FTO: variants seen among roughly 807,000 people sequenced by gnomAD.
FTO encodes the protein FTO alpha-ketoglutarate dependent dioxygenase.
Under a neutral mutation model 63.9 loss-of-function variants are expected in FTO, and 47 were observed. That is an observed-to-expected ratio of 0.74 (90% CI 0.58 to 0.94). FTO has a LOEUF of 0.94. Among genes scored for constraint, FTO ranks in the 40% least tolerant of loss-of-function variants. The probability of loss-of-function intolerance (pLI) is 0.00; values close to 1 mark genes in which losing one functional copy is unlikely to be tolerated. For synonymous variants in FTO, 207 were observed against 224.4 expected (o/e 0.92, Z 0.69); for missense variants, 562 against 618.1 (o/e 0.91, Z 0.96).
At chr16:53,921,675 TATTA>T (rs762992144) in intron 7 of FTO, among the ~76,000 whole-genome samples, 21 of 152,170 alleles carry the variant, frequency 1.4e-4, no homozygotes, top group Non-Finnish European at 2.6e-4. Flanking sequence ...GTCATTCTAG[TATTA>T]ATTATGTGAA....
chr16:53,927,529 C>T (rs1367321190), intron 7 of FTO, among the ~76,000 whole-genome samples: 2 of 152,058 alleles, frequency 1.3e-5, no homozygotes, highest in African/African-American at 2.4e-5. Flanking sequence ...TAGAGATGTC[C>T]GCAGTCTACA....
In FTO at chr16:54,066,275, A is replaced by T. The variant is rs767804231; in HGVS notation, c.1365-45487A>T. On this transcript the variant is annotated intron_variant, in intron 8 of 8. Coordinates refer to ENST00000471389, the MANE Select transcript of FTO (RefSeq NM_001080432.3). ...ATGAAGTTTTGGTCTGCAAATGGGG[A>T]TGCTGAAACTCAGAGAGGCTGACTG... 2.0e-4 allele frequency among the ~76,000 whole-genome samples: 31 copies of T among 152,298 alleles called. 1 individual carries two copies. The highest frequency in any genetic ancestry group is 1.2e-3 in the South Asian group (6 of 4,820).
At chr16:53,710,552 C>T (rs189547397) in intron 1 of FTO, among the ~76,000 whole-genome samples, 13 of 152,146 alleles carry the variant, frequency 8.5e-5, no homozygotes, top group South Asian at 2.1e-4. Flanking sequence ...CGTGAGCCAC[C>T]GTGCGCAGCC....
intron 8 of FTO, among the ~76,000 whole-genome samples, chr16:54,053,213 G>A (rs563223601): frequency 2.6e-5 from 4 of 151,774 alleles, no homozygotes; most frequent in Non-Finnish European, 4.4e-5. Flanking sequence ...TCCAGGCTTA[G>A]CCAGCTTTCA....
intron 1 of FTO, among the ~76,000 whole-genome samples, chr16:53,773,365 G>A (rs566362741): frequency 1.0e-3 from 153 of 152,114 alleles, no homozygotes; most frequent in Middle Eastern, 3.4e-3. Context: ...ACACAGCCAC[G>A]CCATAGAACA....
chr16:53,960,722 G>C (rs574336155), intron 8 of FTO, among the ~76,000 whole-genome samples: 1 of 151,764 alleles, frequency 6.6e-6, no homozygotes, highest in African/African-American at 2.4e-5. Flanking sequence ...GGGGGTGGGG[G>C]GGGCGCGGTT....
At chr16:53,795,337 A>G (rs1415309668) in intron 1 of FTO, among the ~76,000 whole-genome samples, 2 of 152,196 alleles carry the variant, frequency 1.3e-5, no homozygotes, top group African/African-American at 4.8e-5. Flanking sequence ...GTTCCAACAT[A>G]TGTCTAATAA....
intron 8 of FTO, among the ~76,000 whole-genome samples, chr16:54,097,500 CA>C (rs1297337802): frequency 6.6e-6 from 1 of 152,164 alleles, no homozygotes; most frequent in Non-Finnish European, 1.5e-5. Flanking sequence ...ATTACTTTTA[CA>C]TGCCCAGCTA....
intron 7 of FTO, among the ~76,000 whole-genome samples, chr16:53,928,017 T>C (rs1445275795): frequency 1.3e-5 from 2 of 152,206 alleles, no homozygotes. Flanking sequence ...ATAATAATCA[T>C]GATGGCATAT....
At position 54,120,076 on chromosome 16, in the gene FTO, A is replaced by G. The variant is rs2086995068; in HGVS notation, c.*8161A>G. 1 of 152,248 alleles carries G rather than the reference A, an allele frequency of 6.6e-6. No individual in the cohort carries two copies. 9.4% of individuals were successfully genotyped at this position (152,248 alleles called of 1,614,324 possible). On this transcript the variant is annotated 3_prime_UTR_variant, in exon 9 of 9. Coordinates refer to ENST00000471389, the MANE Select transcript of FTO (RefSeq NM_001080432.3). ...AGAGGCATCCCTGCCAAGGACTTCAAGTGAAAGGCGGTGGGAGAAATTGTT... is the reference window on the plus strand; with the variant it reads ...AGAGGCATCCCTGCCAAGGACTTCAGGTGAAAGGCGGTGGGAGAAATTGTT...
chr16:53,962,604 C>G (rs994427583), intron 8 of FTO, among the ~76,000 whole-genome samples: 4 of 152,152 alleles, frequency 2.6e-5, no homozygotes, highest in Non-Finnish European at 5.9e-5. Context: ...ATGATGCGTC[C>G]TGCATAAGTG....
At chr16:53,711,477 G>A (rs1038161622) in intron 1 of FTO, 4 of 398,516 alleles carry the variant, frequency 1.0e-5, no homozygotes, top group Non-Finnish European at 1.8e-5. Flanking sequence ...CAACAGCAGA[G>A]TGGTGAGTTT....
chr16:53,929,139 A>G (rs554528382), intron 7 of FTO, among the ~76,000 whole-genome samples: 9 of 152,262 alleles, frequency 5.9e-5, no homozygotes, highest in Middle Eastern at 6.8e-3. Flanking sequence ...CACATGTCCT[A>G]TGAGTTTTAA....
chr16:53,791,547 A>G (rs2077911057), intron 1 of FTO, among the ~76,000 whole-genome samples: 2 of 152,196 alleles, frequency 1.3e-5, no homozygotes, highest in Non-Finnish European at 2.9e-5. Context: ...ATGAAATTAC[A>G]TATATGATGG....
intron 8 of FTO, among the ~76,000 whole-genome samples, chr16:53,987,324 T>A (rs1216317436): frequency 1.3e-5 from 2 of 152,042 alleles, no homozygotes; most frequent in African/African-American, 4.8e-5. Context: ...CTCACGCCTG[T>A]AATCCCAGCA....
In FTO at chr16:53,854,281, A is replaced by G. The variant is rs138458720; in HGVS notation, c.895+9983A>G. Among the ~76,000 whole-genome samples, 1,517 of 152,026 alleles carry G rather than the reference A, an allele frequency of 1.0e-2. 11 individuals carry two copies. Among genetic ancestry groups the G allele is most frequent in the Non-Finnish European group, 0.014 (933 of 67,926 alleles). On this transcript the variant is annotated intron_variant, in intron 4 of 8. Coordinates refer to ENST00000471389, the MANE Select transcript of FTO (RefSeq NM_001080432.3). ...AGGTTGTCTGTTTACTCTGATAATT[A>G]TTTATTTTGTTGTGCAGAAGCTTTT...
chr16:54,022,135 A>AC (rs2084616413), intron 8 of FTO, among the ~76,000 whole-genome samples: 1 of 152,082 alleles, frequency 6.6e-6, no homozygotes, highest in Non-Finnish European at 1.5e-5. Context: ...AGAAAAAAAC[A>AC]AAAAAACAAA....
intron 8 of FTO, among the ~76,000 whole-genome samples, chr16:53,942,893 A>ATC (rs2082565853): frequency 6.6e-6 from 1 of 152,226 alleles, no homozygotes; most frequent in African/African-American, 2.4e-5. Context: ...AAGTTGTGGC[A>ATC]TCTGTAGTTC....
intron 1 of FTO, among the ~76,000 whole-genome samples, chr16:53,719,871 A>G (rs537950541): frequency 6.6e-6 from 1 of 152,146 alleles, no homozygotes; most frequent in African/African-American, 2.4e-5. Context: ...ATGTTTTTGT[A>G]GCACTTATTC....
Sources: gnomAD v4.1 joint callset for allele counts (sites outside exome capture counted in the v4.1 genomes callset) on GRCh38, gnomAD v4.1.1 for gene constraint, MANE v1.5 for transcripts, NCBI Gene and HGNC (gene_info 2026-07-23, HGNC 2026-07-21) for gene names.